The following RERE variants were observed in gnomAD, a reference collection of about 807,000 sequenced individuals.
RERE encodes arginine-glutamic acid dipeptide repeats protein.
A neutral mutation model predicts 146.1 loss-of-function variants in RERE; 40 were observed. The ratio of observed to expected loss-of-function variants is 0.27; its 90% CI spans 0.21 to 0.36. The LOEUF (loss-of-function observed/expected upper bound fraction) is 0.36. RERE is among the 10% of genes least tolerant of loss of function. The pLI, the probability that RERE is intolerant of heterozygous loss-of-function variation, is 1.00. For missense variants in RERE, 1,933 were observed against 2,138.7 expected, an observed-to-expected ratio of 0.90 and a Z score of 1.90; for synonymous variants, 1,003 against 866.0, an observed-to-expected ratio of 1.16 and a Z score of -2.78.
intron 11 of RERE, among the ~76,000 whole-genome samples, chr1:8,450,770 T>G (rs970633816): frequency 6.6e-6 from 1 of 152,196 alleles, no homozygotes; most frequent in Admixed American, 6.5e-5. Flanking sequence ...GTCAACCACT[T>G]GCCAAACCCA....
chr1:8,715,372 G>A (rs1356535307), intron 1 of RERE, among the ~76,000 whole-genome samples: 3 of 151,738 alleles, frequency 2.0e-5, no homozygotes, highest in Non-Finnish European at 4.4e-5. Flanking sequence ...TTAGCCAGGC[G>A]TGGTGGCAGG....
At chr1:8,540,946 T>C (rs1159692392) in intron 7 of RERE, among the ~76,000 whole-genome samples, 1 of 152,196 alleles carries the variant, frequency 6.6e-6, no homozygotes, top group Non-Finnish European at 1.5e-5. Context: ...AAAGTATATC[T>C]TTATCCCACC....
At chr1:8,773,714 C>T (rs1488152520) in intron 1 of RERE, among the ~76,000 whole-genome samples, 1 of 152,134 alleles carries the variant, frequency 6.6e-6, no homozygotes, top group Non-Finnish European at 1.5e-5. Flanking sequence ...ATACCAGCTA[C>T]TTGGGAGGCT....
At chr1:8,531,303 C>A (rs180703909) in intron 7 of RERE, among the ~76,000 whole-genome samples, 2 of 151,994 alleles carry the variant, frequency 1.3e-5, no homozygotes, top group East Asian at 3.9e-4. Flanking sequence ...ATAAGTCAGG[C>A]GTGATGGCAT....
chr1:8,377,779 CGAACGAT>C (rs1394349482), intron 12 of RERE, among the ~76,000 whole-genome samples: 4 of 151,926 alleles, frequency 2.6e-5, no homozygotes, highest in East Asian at 1.9e-4. Flanking sequence ...GGGAGCGGGA[CGAACGAT>C]GAAGGATGAG....
chr1:8,432,899 ACT>A (rs1182325771), intron 11 of RERE, among the ~76,000 whole-genome samples: 7 of 152,198 alleles, frequency 4.6e-5, no homozygotes, highest in Non-Finnish European at 1.0e-4. Context: ...TGCAGAAAAC[ACT>A]GTTTTATATC....
chr1:8,653,892 G>A (rs965450948), intron 2 of RERE, among the ~76,000 whole-genome samples: 14 of 151,912 alleles, frequency 9.2e-5, no homozygotes, highest in African/African-American at 3.1e-4. Context: ...TCATTTAATC[G>A]TTACAGCAGA....
At chr1:8,522,363 A>G (rs973981524) in intron 7 of RERE, among the ~76,000 whole-genome samples, 3 of 152,256 alleles carry the variant, frequency 2.0e-5, no homozygotes, top group Non-Finnish European at 4.4e-5. Context: ...AGTAACAAAC[A>G]AAAAGTACCT....
chr1:8,491,116 A>C (rs1644974186), intron 10 of RERE, among the ~76,000 whole-genome samples: 1 of 150,672 alleles, frequency 6.6e-6, no homozygotes, highest in Non-Finnish European at 1.5e-5. Context: ...AGCTCTGGGC[A>C]ACATTGTGAG....
At chr1:8,527,306 T>A (rs1481527991) in intron 7 of RERE, among the ~76,000 whole-genome samples, 1 of 152,172 alleles carries the variant, frequency 6.6e-6, no homozygotes, top group African/African-American at 2.4e-5. Flanking sequence ...AGACAACATA[T>A]TCCCAAAACT....
In RERE at chr1:8,354,890, C is replaced by G; in HGVS notation, c.*197G>C. On this transcript the variant is annotated 3_prime_UTR_variant, in exon 23 of 23. Coordinates refer to ENST00000400908, the MANE Select transcript of RERE (RefSeq NM_001042681.2). Reference sequence around the variant, plus strand: ...CTGGGGGACTGTCATGCAGGGAGATCCAAACCAGTCTCAGGAAATCCTCTC... The same window carrying G: ...CTGGGGGACTGTCATGCAGGGAGATGCAAACCAGTCTCAGGAAATCCTCTC... 1 of 599,462 alleles carries G rather than the reference C, an allele frequency of 1.7e-6. No individual in the cohort carries two copies. The highest frequency in any genetic ancestry group is 2.8e-5 in the East Asian group (1 of 35,284). 37.1% of individuals were successfully genotyped at this position (599,462 alleles called of 1,614,324 possible).
At chr1:8,421,476 T>C (rs1274824245) in intron 12 of RERE, among the ~76,000 whole-genome samples, 7 of 152,138 alleles carry the variant, frequency 4.6e-5, no homozygotes, top group Admixed American at 2.0e-4. Flanking sequence ...CTCTCTGTTT[T>C]TTACCATTCT....
At chr1:8,421,583 T>TG (rs1277327829) in intron 12 of RERE, among the ~76,000 whole-genome samples, 1 of 152,200 alleles carries the variant, frequency 6.6e-6, no homozygotes, top group African/African-American at 2.4e-5. Context: ...AGACTATACT[T>TG]GAAATCACAA....
intron 11 of RERE, among the ~76,000 whole-genome samples, chr1:8,437,776 G>A (rs1231377927): frequency 6.6e-6 from 1 of 152,138 alleles, no homozygotes; most frequent in Non-Finnish European, 1.5e-5. Flanking sequence ...TGGGCTGCAT[G>A]CAGAGGGGAG....
chr1:8,490,870 TAGTAGTTTCACAGATTTATA>T lies in RERE; in HGVS notation c.1104+4173_1104+4192del, dbSNP rs371403543. Among the ~76,000 whole-genome samples the T allele has an allele frequency of 2.7e-3, 409 of 150,816 alleles. 33 individuals are homozygous for T. Among genetic ancestry groups the T allele is most frequent in the African/African-American group, 9.7e-3 (389 of 40,088 alleles). On this transcript the variant is annotated intron_variant, in intron 10 of 22. Transcript: ENST00000400908. ...GGAAATGTTTTGTATCTTGACATTA[TAGTAGTTTCACAGATTTATA>T]AGTAGTTTCACAGATTTATATATCT...
intron 4 of RERE, among the ~76,000 whole-genome samples, chr1:8,597,480 C>T (rs1017686844): frequency 1.3e-5 from 2 of 152,078 alleles, no homozygotes; most frequent in Admixed American, 6.6e-5. Flanking sequence ...TGATAACCCA[C>T]ACAATAAGCC....
chr1:8,545,980 G>GTTTTTTTTTTTTTTTTTT (rs1480930167), intron 6 of RERE, among the ~76,000 whole-genome samples: 1 of 75,378 alleles, frequency 1.3e-5, no homozygotes, highest in African/African-American at 5.9e-5. Context: ...ACCATACCCA[G>GTTTTTTTTTTTTTTTTTT]TCTTTTTTTT....
At chr1:8,727,117 T>C (rs1266335623) in intron 1 of RERE, among the ~76,000 whole-genome samples, 1 of 151,548 alleles carries the variant, frequency 6.6e-6, no homozygotes, top group Non-Finnish European at 1.5e-5. Flanking sequence ...CTGACCTTTT[T>C]TCAGTGGATT....
At chr1:8,497,812 A>T (rs761118780) in intron 8 of RERE, among the ~76,000 whole-genome samples, 4 of 152,250 alleles carry the variant, frequency 2.6e-5, no homozygotes, top group Non-Finnish European at 5.9e-5. Context: ...AAGCACACAC[A>T]TATGCATAAA....
Sources: allele counts gnomAD v4.1 joint callset (sites outside exome capture counted in the v4.1 genomes callset), GRCh38; gene constraint gnomAD v4.1.1; transcripts MANE v1.5; gene names NCBI Gene and HGNC (gene_info 2026-07-23, HGNC 2026-07-21).